The following SV2B variants were observed in gnomAD, a reference collection of about 807,000 sequenced individuals.
SV2B encodes synaptic vesicle glycoprotein 2B.
A neutral mutation model predicts 73.9 loss-of-function variants in SV2B; 41 were observed. The ratio of observed to expected loss-of-function variants is 0.56; its 90% CI spans 0.43 to 0.72. The LOEUF is 0.72. Among genes scored for constraint, SV2B ranks in the 30% least tolerant of loss-of-function variants. The pLI is 0.00. For missense variants in SV2B, 764 were observed against 857.8 expected, an observed-to-expected ratio of 0.89 and a Z score of 1.37; for synonymous variants, 314 against 314.2, an observed-to-expected ratio of 1.00 and a Z score of 0.01.
At position 91,232,008 on chromosome 15, in the gene SV2B, C is replaced by CTTGTGAT. The variant is rs1227084825; in HGVS notation, c.451+5296_451+5302dup. ...TTACTCTGCTGTCGTGAAAGATTAT[C>CTTGTGAT]TTGTGATTGTTTTATATGCAAATTC... On this transcript the variant is annotated intron_variant, in intron 2 of 12. Coordinates refer to ENST00000394232, the MANE Select transcript of SV2B (RefSeq NM_001323032.3). The surrounding 1 kb of genome is among the most constrained non-coding windows in gnomAD (Gnocchi z 4.7). 2.6e-5 allele frequency among the ~76,000 whole-genome samples: 4 copies of CTTGTGAT among 152,108 alleles called. No homozygotes were observed. The highest frequency in any genetic ancestry group is 5.9e-5 in the Non-Finnish European group (4 of 68,018).
At chr15:91,108,020 A>G (rs920444875) in intron 1 of SV2B, among the ~76,000 whole-genome samples, 12 of 151,970 alleles carry the variant, frequency 7.9e-5, no homozygotes, top group East Asian at 5.8e-4. Flanking sequence ...GGTGGTGGTG[A>G]TGATGATGAT....
intron 1 of SV2B, among the ~76,000 whole-genome samples, chr15:91,174,314 G>A (rs1288006732): frequency 6.6e-6 from 1 of 152,164 alleles, no homozygotes; most frequent in Non-Finnish European, 1.5e-5. Context: ...TAAGTTCTTT[G>A]TGCTTCATTG....
At chr15:91,210,132 T>C (rs141996812) in intron 1 of SV2B, among the ~76,000 whole-genome samples, 22 of 151,746 alleles carry the variant, frequency 1.4e-4, no homozygotes, top group Middle Eastern at 3.4e-3. Flanking sequence ...GAGATGGAGA[T>C]AGGAATTGGA....
chr15:91,205,620 C>A (rs2141401182), intron 1 of SV2B, among the ~76,000 whole-genome samples: 1 of 152,244 alleles, frequency 6.6e-6, no homozygotes, highest in Non-Finnish European at 1.5e-5. Context: ...CCCACCTCGG[C>A]CTCCCAAAGT....
chr15:91,216,739 A>G (rs116900754), intron 1 of SV2B, among the ~76,000 whole-genome samples: 1,880 of 148,762 alleles, frequency 0.013, 45 homozygotes, highest in East Asian at 0.12. Context: ...CCAAAGTGCT[A>G]GCCACTGTAC....
Position 91,292,607 on chromosome 15 carries a change from C to G in SV2B, c.*55C>G. The stretch of plus-strand genomic sequence containing the variant: ...GAATCTTGTCCAGGACACTGAAATG[C>G]ATCCACACTTCCTGCCTATCACGGT... On this transcript the variant is annotated 3_prime_UTR_variant, in exon 13 of 13. Coordinates refer to ENST00000394232, the MANE Select transcript of SV2B (RefSeq NM_001323032.3). 3 of 1,562,154 alleles carry G rather than the reference C, an allele frequency of 1.9e-6. No individual in the cohort carries two copies. Among genetic ancestry groups the G allele is most frequent in the Non-Finnish European group, 2.6e-6 (3 of 1,154,974 alleles).
intron 1 of SV2B, among the ~76,000 whole-genome samples, chr15:91,131,998 A>T (rs2042667494): frequency 1.3e-5 from 2 of 152,174 alleles, no homozygotes; most frequent in African/African-American, 4.8e-5. Context: ...AACTTAGCCA[A>T]GTGTGGTGAT....
intron 1 of SV2B, among the ~76,000 whole-genome samples, chr15:91,143,592 C>A (rs939679241): frequency 6.6e-6 from 1 of 152,140 alleles, no homozygotes; most frequent in Non-Finnish European, 1.5e-5. Flanking sequence ...TATAGTAATT[C>A]TCGATCGCCG....
At chr15:91,177,628 C>G (rs1466781204) in intron 1 of SV2B, among the ~76,000 whole-genome samples, 2 of 135,996 alleles carry the variant, frequency 1.5e-5, no homozygotes, top group African/African-American at 3.1e-5. Context: ...AGTTGGATTC[C>G]TAAGTATTTT....
At chr15:91,170,905 A>G (rs2044099887) in intron 1 of SV2B, among the ~76,000 whole-genome samples, 2 of 152,092 alleles carry the variant, frequency 1.3e-5, no homozygotes, top group East Asian at 1.9e-4. Context: ...ATCTTGGAAT[A>G]AACAGGGTTT....
In SV2B at chr15:91,137,454, CTG is replaced by C. The variant is rs1567281856; in HGVS notation, c.-392+37097_-392+37098del. Among the ~76,000 whole-genome samples, 3 of 151,574 alleles carry C rather than the reference CTG, an allele frequency of 2.0e-5. No homozygotes were observed. Among genetic ancestry groups the C allele is most frequent in the African/African-American group, 7.3e-5 (3 of 41,322 alleles). ...CAGTTAACAAATCACTAGTGAGTAA[CTG>C]TGTGTCAGGCATGAGGTGGAAGACA... On this transcript the variant is annotated intron_variant, in intron 1 of 12. Transcript: ENST00000394232. This position sits in a 1 kb window ranked among gnomAD's most constrained non-coding sequence, Gnocchi z 4.9.
At chr15:91,150,655 A>C (rs148295383) in intron 1 of SV2B, among the ~76,000 whole-genome samples, 1 of 152,340 alleles carries the variant, frequency 6.6e-6, no homozygotes, top group East Asian at 1.9e-4. Context: ...GTCTGCTTCC[A>C]TAAGCAGATG....
chr15:91,279,062 G>T (rs538067270), intron 9 of SV2B, among the ~76,000 whole-genome samples: 1 of 152,258 alleles, frequency 6.6e-6, no homozygotes, highest in East Asian at 1.9e-4. Context: ...TTTTCCCTCT[G>T]TCTGGAATAC....
chr15:91,177,759 C>T (rs1483449616), intron 1 of SV2B, among the ~76,000 whole-genome samples: 7 of 124,032 alleles, frequency 5.6e-5, no homozygotes, highest in Non-Finnish European at 8.4e-5. Context: ...TGAGACTTTG[C>T]TGAAGTTGCT....
intron 1 of SV2B, among the ~76,000 whole-genome samples, chr15:91,113,447 A>G (rs1438787506): frequency 2.6e-5 from 4 of 152,206 alleles, no homozygotes; most frequent in Admixed American, 6.5e-5. Context: ...TGAAATTTCA[A>G]TGAGCTATTT....
At chr15:91,246,359 A>G (rs1455430894) in intron 2 of SV2B, among the ~76,000 whole-genome samples, 1 of 152,218 alleles carries the variant, frequency 6.6e-6, no homozygotes, top group East Asian at 1.9e-4. Context: ...TACTGCTAAT[A>G]ACATCAATAG....
At position 91,106,919 on chromosome 15, in the gene SV2B, T is replaced by C. The variant is rs1707007378; in HGVS notation, c.-392+6556T>C. Among the ~76,000 whole-genome samples, 1 of 152,296 alleles carries C rather than the reference T, an allele frequency of 6.6e-6. No homozygotes were observed. Among genetic ancestry groups the C allele is most frequent in the South Asian group, 2.1e-4 (1 of 4,820 alleles). On this transcript the variant is annotated intron_variant, in intron 1 of 12. Coordinates refer to ENST00000394232, the MANE Select transcript of SV2B (RefSeq NM_001323032.3). This position sits in a 1 kb window ranked among gnomAD's most constrained non-coding sequence, Gnocchi z 4.4. ...AGGAAGAAATAGGGAATAGCCTTCA[T>C]AGGAAAAGGGGAGGGCTGGAATGAC...
intron 1 of SV2B, among the ~76,000 whole-genome samples, chr15:91,119,258 T>G (rs1460621864): frequency 6.6e-6 from 1 of 152,210 alleles, no homozygotes; most frequent in Non-Finnish European, 1.5e-5. Flanking sequence ...AGGGAGATAT[T>G]AAATAGCTCC....
Position 91,174,961 on chromosome 15 carries a change from C to A in SV2B, c.-391-50912C>A, listed in dbSNP as rs899247458. Among the ~76,000 whole-genome samples, 6 of 152,238 alleles carry A rather than the reference C, an allele frequency of 3.9e-5. 1 individual carries two copies. Among genetic ancestry groups the A allele is most frequent in the African/African-American group, 1.4e-4 (6 of 41,558 alleles). On this transcript the variant is annotated intron_variant, in intron 1 of 12. Coordinates refer to ENST00000394232, the MANE Select transcript of SV2B (RefSeq NM_001323032.3). Reference sequence around the variant, plus strand: ...GAAGAGATGCCAAGGGGAGATGGATCACCATGAAGTTCTCCAAGAGCATGG... The same window carrying A: ...GAAGAGATGCCAAGGGGAGATGGATAACCATGAAGTTCTCCAAGAGCATGG...
Sources: gnomAD v4.1 joint callset for allele counts (sites outside exome capture counted in the v4.1 genomes callset) on GRCh38, gnomAD v4.1.1 for gene constraint, Gnocchi (gnomAD v3.1) non-coding constraint, MANE v1.5 for transcripts, NCBI Gene and HGNC (gene_info 2026-07-23, HGNC 2026-07-21) for gene names.